NALF1: variants seen among roughly 807,000 people sequenced by gnomAD.
NALF1 encodes the protein NALCN channel auxiliary factor 1, also known as family with sequence similarity 155 member A.
A neutral mutation model predicts 48.4 loss-of-function variants in NALF1; 3 were observed. The observed-to-expected ratio is 0.06, with a 90% confidence interval of 0.03 to 0.16. The LOEUF (loss-of-function observed/expected upper bound fraction) is 0.16, where lower values mean the gene tolerates loss of function less well. Among genes scored for constraint, NALF1 ranks in the 10% least tolerant of loss-of-function variants. NALF1 has a pLI of 1.00. For missense variants in NALF1, 526 were observed against 571.5 expected (o/e 0.92, Z 0.81); for synonymous variants, 262 against 245.7 (o/e 1.07, Z -0.62).
At chr13:107,767,619 T>C (rs1185179351) in intron 1 of NALF1, among the ~76,000 whole-genome samples, 2 of 152,202 alleles carry the variant, frequency 1.3e-5, no homozygotes, top group Non-Finnish European at 2.9e-5. Context: ...TCATGTGCTT[T>C]CATGGGATAG....
intron 1 of NALF1, among the ~76,000 whole-genome samples, chr13:107,213,546 G>A (rs934885603): frequency 1.3e-5 from 2 of 152,204 alleles, no homozygotes; most frequent in African/African-American, 4.8e-5. Context: ...AACCATGTGA[G>A]CTGAATCGAA....
rs77302593 is a variant in NALF1, at chr13:107,256,764, G to C, written c.916-46009C>G. On this transcript the variant is annotated intron_variant, in intron 1 of 2. Coordinates refer to ENST00000375915, the MANE Select transcript of NALF1 (RefSeq NM_001080396.3). The stretch of plus-strand genomic sequence containing the variant: ...GGTTTGACTACAGATATAGGAGTTT[G>C]CAAGAATCAGCAAAAGCATCCATGA... 3.2e-3 allele frequency among the ~76,000 whole-genome samples: 488 copies of C among 152,272 alleles called. 4 individuals carry two copies. The highest frequency in any genetic ancestry group is 0.011 in the African/African-American group (457 of 41,544).
chr13:107,203,819 G>C (rs933520073), intron 2 of NALF1, among the ~76,000 whole-genome samples: 1 of 152,210 alleles, frequency 6.6e-6, no homozygotes, highest in Non-Finnish European at 1.5e-5. Flanking sequence ...GACCAGGCAA[G>C]GTGTAGCAAT....
chr13:107,854,071 T>C (rs1343084992), intron 1 of NALF1, among the ~76,000 whole-genome samples: 1 of 152,250 alleles, frequency 6.6e-6, no homozygotes, highest in Non-Finnish European at 1.5e-5. Flanking sequence ...TAGGATTTTA[T>C]TCACTCAGAG....
At chr13:107,411,317 T>TA (rs1883986982) in intron 1 of NALF1, among the ~76,000 whole-genome samples, 2 of 140,674 alleles carry the variant, frequency 1.4e-5, no homozygotes, top group African/African-American at 2.6e-5. Flanking sequence ...TTTTTTTTTT[T>TA]TAATCAAGAC....
intron 1 of NALF1, among the ~76,000 whole-genome samples, chr13:107,833,840 G>C (rs896889885): frequency 1.3e-5 from 2 of 151,462 alleles, no homozygotes; most frequent in African/African-American, 4.9e-5. Context: ...CCAGTATTTT[G>C]CATATTATCT....
At chr13:107,632,909 G>GGA (rs1555313824) in intron 1 of NALF1, among the ~76,000 whole-genome samples, 3 of 139,170 alleles carry the variant, frequency 2.2e-5, no homozygotes, top group East Asian at 2.1e-4. Flanking sequence ...CAAGCCTCAT[G>GGA]AAAAAAAAAA....
chr13:107,329,663 C>T (rs1269664125), intron 1 of NALF1, among the ~76,000 whole-genome samples: 2 of 146,894 alleles, frequency 1.4e-5, no homozygotes, highest in Non-Finnish European at 3.0e-5. Context: ...CCCCCCACGC[C>T]ACAACAATCC....
At chr13:107,431,017 T>C (rs1034840875) in intron 1 of NALF1, among the ~76,000 whole-genome samples, 10 of 152,200 alleles carry the variant, frequency 6.6e-5, no homozygotes, top group Non-Finnish European at 1.3e-4. Flanking sequence ...TGGTATCTCA[T>C]TGTGGTTTTG....
At chr13:107,512,226 C>CT (rs1007578010) in intron 1 of NALF1, among the ~76,000 whole-genome samples, 10 of 152,132 alleles carry the variant, frequency 6.6e-5, no homozygotes, top group Non-Finnish European at 1.3e-4. Flanking sequence ...AACTCCGTCT[C>CT]TACTAAAAAT....
chr13:107,788,136 A>G (rs1457440042), intron 1 of NALF1, among the ~76,000 whole-genome samples: 2 of 152,026 alleles, frequency 1.3e-5, no homozygotes, highest in African/African-American at 4.8e-5. Flanking sequence ...CCTTGTTTGA[A>G]TCCTGTCTAT....
chr13:107,860,762 T>G (rs1268138318), intron 1 of NALF1, among the ~76,000 whole-genome samples: 1 of 152,250 alleles, frequency 6.6e-6, no homozygotes, highest in Non-Finnish European at 1.5e-5. Context: ...AATAGTCTTT[T>G]GTTTGAAACA....
At chr13:107,848,330 C>G (rs1880224109) in intron 1 of NALF1, among the ~76,000 whole-genome samples, 1 of 152,004 alleles carries the variant, frequency 6.6e-6, no homozygotes, top group Non-Finnish European at 1.5e-5. Flanking sequence ...TAACTTTTCT[C>G]CTAAAGAACG....
intron 1 of NALF1, among the ~76,000 whole-genome samples, chr13:107,587,583 C>G (rs1181184876): frequency 1.3e-5 from 2 of 152,008 alleles, no homozygotes; most frequent in Non-Finnish European, 2.9e-5. Context: ...AAAACGCACT[C>G]TTATAAGTGA....
chr13:107,742,266 T>A (rs1286584805), intron 1 of NALF1, among the ~76,000 whole-genome samples: 4 of 152,182 alleles, frequency 2.6e-5, no homozygotes, highest in African/African-American at 9.6e-5. Flanking sequence ...ATCTAAAACA[T>A]CATTTCCTGT....
rs1876792954 is a variant in NALF1 at position 107,746,791 on chromosome 13, G to C, written c.915+118891C>G. On this transcript the variant is annotated intron_variant, in intron 1 of 2. Transcript: ENST00000375915. ...TTTTCTGTTCCAAGATCATATAACA[G>C]AGAAAGGACAGTCTTTTCAAGAGAT... Among the ~76,000 whole-genome samples the C allele has an allele frequency of 1.3e-5, 2 of 152,310 alleles. 1 individual carries two copies. Among genetic ancestry groups the C allele is most frequent in the African/African-American group, 4.8e-5 (2 of 41,578 alleles).
chr13:107,195,369 G>A (rs1315293016), intron 2 of NALF1, among the ~76,000 whole-genome samples: 1 of 152,182 alleles, frequency 6.6e-6, no homozygotes, highest in Non-Finnish European at 1.5e-5. Flanking sequence ...CATTTGTAAT[G>A]GCGGTAACAT....
At chr13:107,183,711 GAAACCATCATTCACAGC>G (rs1471028521) in intron 2 of NALF1, among the ~76,000 whole-genome samples, 1 of 152,132 alleles carries the variant, frequency 6.6e-6, no homozygotes, top group Non-Finnish European at 1.5e-5. Context: ...GATGAAGCTG[GAAACCATCATTCACAGC>G]AAACTAACAC....
intron 1 of NALF1, among the ~76,000 whole-genome samples, chr13:107,836,257 C>CT (rs1044423858): frequency 2.0e-5 from 3 of 152,106 alleles, no homozygotes; most frequent in African/African-American, 7.2e-5. Context: ...TCCTAAAGTT[C>CT]TGAGATTACA....
Sources: gnomAD v4.1 joint callset for allele counts (sites outside exome capture counted in the v4.1 genomes callset) on GRCh38, gnomAD v4.1.1 for gene constraint, MANE v1.5 for transcripts, NCBI Gene and HGNC (gene_info 2026-07-23, HGNC 2026-07-21) for gene names.